Variants in GABRA2 observed in about 807,000 individuals in gnomAD.
The protein encoded by GABRA2 is gamma-aminobutyric acid type A receptor subunit alpha2.
GABRA2 carries 16 observed loss-of-function variants against 48.7 expected under a neutral mutation model. The ratio of observed to expected loss-of-function variants is 0.33; its 90% CI spans 0.22 to 0.50. The LOEUF (loss-of-function observed/expected upper bound fraction) is 0.50, where lower values mean the gene tolerates loss of function less well. Among genes scored for constraint, GABRA2 ranks in the 20% least tolerant of loss-of-function variants. GABRA2 has a pLI of 0.98. For missense variants in GABRA2, 275 were observed against 535.6 expected (o/e 0.51, Z 4.80); for synonymous variants, 185 against 184.5 (o/e 1.00, Z -0.02).
rs922566071 is a variant in GABRA2, at chr4:46,265,660, T to C, written c.857-3532A>G. 2.6e-5 allele frequency among the ~76,000 whole-genome samples: 4 copies of C among 151,380 alleles called. No homozygotes were observed. In the Admixed American group the frequency reaches 2.6e-4, roughly 10 times the overall value. On this transcript the variant is annotated intron_variant, in intron 8 of 9. Transcript: ENST00000381620. The stretch of plus-strand genomic sequence containing the variant: ...ATGGCTGTGTGGTAATTTTTTCTAT[T>C]TGTTATTTCTGTTCTCTCTACAATT...
In GABRA2 at chr4:46,266,803, C is replaced by A. The variant is rs137892184; in HGVS notation, c.857-4675G>T. Among the ~76,000 whole-genome samples the A allele has an allele frequency of 3.4e-3, 483 of 141,054 alleles. 1 individual carries two copies. The highest frequency in any genetic ancestry group is 0.012 in the African/African-American group (434 of 37,574). The allele number at this position is 141,054 out of a possible 152,430, so 92.5% of individuals were successfully genotyped here. A position where few individuals can be genotyped will look rare whatever the true frequency, so the allele number is the denominator to read the frequency against. On this transcript the variant is annotated intron_variant, in intron 8 of 9. Coordinates refer to ENST00000381620, the MANE Select transcript of GABRA2 (RefSeq NM_000807.4). Reference sequence around the variant, plus strand: ...GTGACATGGTCTCAGCTTACTGCAACCTTTGCCTCCCAGGTTCAAGCAATT... The same window carrying A: ...GTGACATGGTCTCAGCTTACTGCAAACTTTGCCTCCCAGGTTCAAGCAATT...
chr4:46,271,989 T>TC (rs1251544639), intron 8 of GABRA2, among the ~76,000 whole-genome samples: 1 of 151,968 alleles, frequency 6.6e-6, no homozygotes, highest in African/African-American at 2.4e-5. Flanking sequence ...ACCTTCTATG[T>TC]CTTTACTTAA....
At chr4:46,343,972 G>T (rs1578118600) in intron 3 of GABRA2, among the ~76,000 whole-genome samples, 1 of 151,806 alleles carries the variant, frequency 6.6e-6, no homozygotes, top group African/African-American at 2.4e-5. Context: ...CACCTCACTG[G>T]GTTCCTGTGA....
At chr4:46,269,165 A>G (rs1043003306) in intron 8 of GABRA2, among the ~76,000 whole-genome samples, 22 of 151,912 alleles carry the variant, frequency 1.4e-4, no homozygotes, top group African/African-American at 5.3e-4. Context: ...TAAGTTCTGT[A>G]ACTTCTATTT....
intron 8 of GABRA2, 140 bp from the exon 9 acceptor site, chr4:46,262,268 A>G: frequency 3.5e-6 from 2 of 575,734 alleles, no homozygotes; most frequent in Admixed American, 3.0e-5. Flanking sequence ...ATGAATAAAT[A>G]CTGGAATTTA....
intron 3 of GABRA2, among the ~76,000 whole-genome samples, chr4:46,377,308 G>A (rs1470230002): frequency 5.9e-5 from 9 of 151,290 alleles, no homozygotes; most frequent in South Asian, 4.2e-4. Context: ...CTTCCCGGCC[G>A]CCATCCCATC....
chr4:46,267,446 G>T (rs113242646), intron 8 of GABRA2, among the ~76,000 whole-genome samples: 1 of 151,856 alleles, frequency 6.6e-6, no homozygotes, highest in Non-Finnish European at 1.5e-5. Context: ...TCAGTAAAAC[G>T]TCTGGGCTTC....
chr4:46,252,916 G>GAATATCTT (rs1715074004), intron 9 of GABRA2, among the ~76,000 whole-genome samples: 2 of 151,448 alleles, frequency 1.3e-5, no homozygotes, highest in South Asian at 4.2e-4. Flanking sequence ...ACAAATGGAC[G>GAATATCTT]AATATCTTAT....
At chr4:46,340,853 A>G (rs1733093585) in intron 3 of GABRA2, among the ~76,000 whole-genome samples, 1 of 151,878 alleles carries the variant, frequency 6.6e-6, no homozygotes, top group Non-Finnish European at 1.5e-5. Flanking sequence ...CCTTCTAGAA[A>G]TTCTATTATG....
chr4:46,371,589 A>T (rs1164573988), intron 3 of GABRA2, among the ~76,000 whole-genome samples: 3 of 142,166 alleles, frequency 2.1e-5, no homozygotes, highest in Non-Finnish European at 4.7e-5. Context: ...CCATGTATAG[A>T]TATAGATTTT....
intron 1 of GABRA2, chr4:46,389,269 C>G: frequency 3.0e-6 from 3 of 985,482 alleles, no homozygotes; most frequent in Non-Finnish European, 3.6e-6. Flanking sequence ...TTTCTTCACT[C>G]CCCTTAACAA....
At chr4:46,381,947 C>T (rs1395019973) in intron 3 of GABRA2, among the ~76,000 whole-genome samples, 1 of 152,024 alleles carries the variant, frequency 6.6e-6, no homozygotes, top group African/African-American at 2.4e-5. Flanking sequence ...TTCATGGTGG[C>T]ACACTGAAAG....
At chr4:46,295,884 T>C (rs1724543167) in intron 8 of GABRA2, among the ~76,000 whole-genome samples, 1 of 152,190 alleles carries the variant, frequency 6.6e-6, no homozygotes, top group African/African-American at 2.4e-5. Context: ...ATCTATGGAC[T>C]CATAGAATGC....
At chr4:46,277,248 T>G (rs570440408) in intron 8 of GABRA2, among the ~76,000 whole-genome samples, 7 of 152,250 alleles carry the variant, frequency 4.6e-5, no homozygotes, top group South Asian at 4.1e-4. Context: ...TCAGACACTT[T>G]CCTAATTGGC....
At chr4:46,324,153 CA>C (rs1391955226) in intron 4 of GABRA2, among the ~76,000 whole-genome samples, 5 of 152,004 alleles carry the variant, frequency 3.3e-5, no homozygotes, top group Non-Finnish European at 5.9e-5. Flanking sequence ...CCACAATCAG[CA>C]AATACTTCTG....
At chr4:46,338,411 A>G (rs1343663260) in intron 3 of GABRA2, among the ~76,000 whole-genome samples, 2 of 152,044 alleles carry the variant, frequency 1.3e-5, no homozygotes, top group African/African-American at 4.8e-5. Flanking sequence ...AAAAAACTTA[A>G]CCTCTTTTAT....
At chr4:46,373,339 C>G (rs1715226306) in intron 3 of GABRA2, among the ~76,000 whole-genome samples, 2 of 152,020 alleles carry the variant, frequency 1.3e-5, no homozygotes, top group Admixed American at 1.3e-4. Context: ...AAAATACCTC[C>G]TAGAGTCCTG....
intron 8 of GABRA2, among the ~76,000 whole-genome samples, chr4:46,264,482 A>G (rs2109362700): frequency 6.6e-6 from 1 of 152,076 alleles, no homozygotes; most frequent in Middle Eastern, 3.4e-3. Context: ...GTTGTATTAT[A>G]TTGATTTGAT....
intron 7 of GABRA2, 90 bp from the exon 8 acceptor site, chr4:46,303,702 G>T: frequency 8.6e-7 from 1 of 1,156,280 alleles, no homozygotes; most frequent in Non-Finnish European, 1.2e-6. Context: ...AACAAAAACT[G>T]ATTTTTTAAA....
Sources: gnomAD v4.1 joint callset for allele counts (sites outside exome capture counted in the v4.1 genomes callset) on GRCh38, gnomAD v4.1.1 for gene constraint, MANE v1.5 for transcripts, NCBI Gene and HGNC (gene_info 2026-07-23, HGNC 2026-07-21) for gene names.